Variants in EPS15L1 observed in about 807,000 individuals in gnomAD.
EPS15L1 encodes the protein epidermal growth factor receptor substrate 15-like 1.
A neutral mutation model predicts 117.1 loss-of-function variants in EPS15L1; 43 were observed. The observed-to-expected ratio is 0.37, with a 90% CI of 0.29 to 0.47. EPS15L1 has a LOEUF of 0.47. Among genes scored for constraint, EPS15L1 ranks in the 20% least tolerant of loss-of-function variants. The pLI is 0.99. For synonymous variants in EPS15L1, 459 were observed against 470.5 expected, an observed-to-expected ratio of 0.98 and a Z score of 0.32; for missense variants, 981 against 1,164.0, an observed-to-expected ratio of 0.84 and a Z score of 2.29.
intron 18 of EPS15L1, among the ~76,000 whole-genome samples, chr19:16,393,571 C>A (rs111558240): frequency 6.4e-4 from 97 of 150,686 alleles, no homozygotes; most frequent in African/African-American, 2.3e-3. Flanking sequence ...ATGGCGTGAA[C>A]CCGGGAGGCG....
At chr19:16,393,670 TAAATAAATAAATAAATAAATA>T (rs1568413110) in intron 18 of EPS15L1, among the ~76,000 whole-genome samples, 1 of 147,348 alleles carries the variant, frequency 6.8e-6, no homozygotes, top group Admixed American at 6.7e-5. Context: ...AAATAAAAAA[TAAATAAATAAATAAATAAATA>T]AAATAAATAA....
At chr19:16,411,792 T>A (rs1319320751) in intron 13 of EPS15L1, among the ~76,000 whole-genome samples, 1 of 152,192 alleles carries the variant, frequency 6.6e-6, no homozygotes, top group Non-Finnish European at 1.5e-5. Flanking sequence ...CTTAAACTCC[T>A]GGGCTCAAGT....
intron 1 of EPS15L1, among the ~76,000 whole-genome samples, chr19:16,463,820 C>A (rs1414682824): frequency 6.6e-6 from 1 of 152,222 alleles, no homozygotes; most frequent in Non-Finnish European, 1.5e-5. Flanking sequence ...AAAGGCTTCC[C>A]TGAGGAAGTG....
chr19:16,392,236 G>A (rs910486082), intron 19 of EPS15L1, 68 bp downstream of exon 19: 37 of 1,585,384 alleles, frequency 2.3e-5, no homozygotes, highest in East Asian at 1.1e-4. Context: ...GGGGGCCTTC[G>A]GGAAGCGCCA....
At chr19:16,439,091 T>A (rs976880888) in intron 4 of EPS15L1, among the ~76,000 whole-genome samples, 3 of 151,340 alleles carry the variant, frequency 2.0e-5, no homozygotes, top group Non-Finnish European at 2.9e-5. Flanking sequence ...TTTTTTTTTA[T>A]TAACTGGCCT....
intron 1 of EPS15L1, among the ~76,000 whole-genome samples, chr19:16,450,340 T>C (rs1386884698): frequency 6.6e-6 from 1 of 151,334 alleles, no homozygotes; most frequent in African/African-American, 2.5e-5. Flanking sequence ...GTCTAAACTC[T>C]CAGGGGTGGT....
Position 16,355,343 on chromosome 19 carries a change from G to GGTCAGGGTCCTGCCCA in EPS15L1, c.*361_*362insTGGGCAGGACCCTGAC. On this transcript the variant is annotated 3_prime_UTR_variant, in exon 24 of 24. Coordinates refer to ENST00000455140, the MANE Select transcript of EPS15L1 (RefSeq NM_001258374.3). ...GAGTGTCTGACTGATGCGTGGGAGGGCGGGTGGGGATGTCTGCAGCTATGA... is the reference window on the plus strand; with the variant it reads ...GAGTGTCTGACTGATGCGTGGGAGGGGTCAGGGTCCTGCCCACGGGTGGGGATGTCTGCAGCTATGA... 5 of 251,834 alleles carry GGTCAGGGTCCTGCCCA rather than the reference G, an allele frequency of 2.0e-5. No homozygotes were observed. Among genetic ancestry groups the GGTCAGGGTCCTGCCCA allele is most frequent in the Admixed American group, 1.5e-4 (3 of 20,080 alleles). 15.6% of individuals were successfully genotyped at this position (251,834 alleles called of 1,614,324 possible).
At chr19:16,412,304 A>C (rs2092713706) in intron 13 of EPS15L1, among the ~76,000 whole-genome samples, 1 of 151,974 alleles carries the variant, frequency 6.6e-6, no homozygotes, top group Admixed American at 6.6e-5. Context: ...GATTAAGACC[A>C]TCCTAGCCAA....
chr19:16,389,692 G>T (rs1474072636), intron 19 of EPS15L1, among the ~76,000 whole-genome samples: 1 of 152,124 alleles, frequency 6.6e-6, no homozygotes, highest in Non-Finnish European at 1.5e-5. Flanking sequence ...AGTTTCTAAT[G>T]TATTTAGATG....
intron 23 of EPS15L1, chr19:16,361,564 T>C: frequency 2.3e-6 from 3 of 1,310,996 alleles, no homozygotes; most frequent in South Asian, 2.1e-5. Context: ...GCCCTTATGA[T>C]AGAGCATCCA....
rs1421479342 is a variant in EPS15L1, at chr19:16,404,629, G to A, written c.1387C>T (p.Leu463=). ...DQQKAKLRDM[L]SDVRQKCQDE... ...TGGCACTTCTGCCGGACGTCGCTCA[G>A]CATGTCTCGGAGCTTGGCCTTCTGC... The change falls in exon 14 of 24, where the codon CTG becomes TTG. Residue 463 remains leucine (L), a synonymous_variant. Coordinates refer to ENST00000455140, the MANE Select transcript of EPS15L1 (RefSeq NM_001258374.3). This position sits in a 1 kb window ranked among gnomAD's most constrained non-coding sequence, Gnocchi z 4.2. 3.7e-6 allele frequency: 6 copies of A among 1,614,194 alleles called. No homozygotes were observed. In the Admixed American group the frequency reaches 1.0e-4, roughly 27 times the overall value.
chr19:16,398,279 T>C (rs767014625), intron 16 of EPS15L1, among the ~76,000 whole-genome samples: 16 of 152,234 alleles, frequency 1.1e-4, no homozygotes, highest in Admixed American at 3.3e-4. Flanking sequence ...ATGGTTTTTC[T>C]TACCTGGGAA....
chr19:16,361,986 T>G lies in EPS15L1; in HGVS notation c.2381-2A>C. On this transcript the variant is annotated splice_acceptor_variant, in intron 22 of 23. Coordinates refer to ENST00000455140, the MANE Select transcript of EPS15L1 (RefSeq NM_001258374.3). LOFTEE classifies it high-confidence loss of function. ...GCTGGCTTACAGGTGTACTTTTACC[T>G]GGAAAGTTTAGGAGAAAAAAAAAAG... 1 of 1,585,568 alleles carries G rather than the reference T, an allele frequency of 6.3e-7. No homozygotes were observed. Among genetic ancestry groups the G allele is most frequent in the Non-Finnish European group, 8.6e-7 (1 of 1,168,548 alleles).
intron 21 of EPS15L1, among the ~76,000 whole-genome samples, chr19:16,379,755 G>A (rs896041592): frequency 1.3e-5 from 2 of 151,928 alleles, no homozygotes; most frequent in African/African-American, 4.8e-5. Flanking sequence ...GCCGTCTAAG[G>A]CTACAGTGTC....
intron 8 of EPS15L1, 132 bp from the exon 9 acceptor site, chr19:16,425,448 G>A (rs1403064838): frequency 1.7e-5 from 11 of 662,356 alleles, no homozygotes; most frequent in Admixed American, 2.7e-5. Context: ...GCTGACCAGA[G>A]TGAAAAGAAA....
rs776680421 is a variant in EPS15L1 at position 16,468,018 on chromosome 19, G to A, written c.33+3895C>T. Among the ~76,000 whole-genome samples the A allele has an allele frequency of 5.3e-5, 8 of 152,328 alleles. No individual in the cohort carries two copies. In the South Asian group the frequency reaches 8.3e-4, roughly 16 times the overall value. ...ATAACAAGGGGGAAAGGAGGAAGGT[G>A]TAGCTCTTTGGGCCCAGGGCAGTCT... On this transcript the variant is annotated intron_variant, in intron 1 of 23. Transcript: ENST00000455140.
chr19:16,468,673 G>C (rs1277646984), intron 1 of EPS15L1, among the ~76,000 whole-genome samples: 1 of 147,662 alleles, frequency 6.8e-6, no homozygotes, highest in African/African-American at 2.5e-5. Context: ...GGAGGAAGGG[G>C]AATGGGAGCT....
intron 1 of EPS15L1, among the ~76,000 whole-genome samples, chr19:16,450,032 G>A (rs1432001500): frequency 6.6e-6 from 1 of 151,786 alleles, no homozygotes; most frequent in East Asian, 1.9e-4. Context: ...GCTATAAAAG[G>A]GCAACAGGAG....
At chr19:16,438,523 C>A (rs2092998230) in intron 4 of EPS15L1, among the ~76,000 whole-genome samples, 1 of 151,914 alleles carries the variant, frequency 6.6e-6, no homozygotes, top group South Asian at 2.1e-4. Flanking sequence ...AATGATGGAC[C>A]AAATATGTGC....
Sources: allele counts gnomAD v4.1 joint callset (sites outside exome capture counted in the v4.1 genomes callset), GRCh38; gene constraint gnomAD v4.1.1; non-coding constraint Gnocchi (gnomAD v3.1); transcripts MANE v1.5; gene names NCBI Gene and HGNC (gene_info 2026-07-23, HGNC 2026-07-21).